LRP1B: variants seen among roughly 807,000 people sequenced by gnomAD.
LRP1B encodes the protein LDL receptor related protein 1B, also known as low-density lipoprotein receptor-related protein 1B.
A neutral mutation model predicts 556.6 loss-of-function variants in LRP1B; 217 were observed. The ratio of observed to expected loss-of-function variants is 0.39; its 90% CI spans 0.35 to 0.44. The LOEUF is 0.44. Ranked by LOEUF, LRP1B falls within the 20% of genes least tolerant of loss-of-function variation. The pLI is 1.00. For missense variants in LRP1B, 5,053 were observed against 5,620.8 expected, an observed-to-expected ratio of 0.90 and a Z score of 3.23; for synonymous variants, 2,047 against 1,865.8, an observed-to-expected ratio of 1.10 and a Z score of -2.50.
Position 140,247,107 on chromosome 2 carries a change from T to G in LRP1B, c.13303A>C (p.Lys4435Gln), listed in dbSNP as rs773602703. The G allele has an allele frequency of 6.2e-7, 1 of 1,609,324 alleles. No homozygotes were observed. Residue 4435 changes from lysine to glutamine, a missense_variant, in exon 87 of 91, where the codon AAG becomes CAG. This residue lies in a region of LRP1B where 551 missense variants were observed against 592.0 expected (regional missense o/e 0.93). Coordinates refer to ENST00000389484, the MANE Select transcript of LRP1B (RefSeq NM_018557.3). Reference protein sequence around the residue: ...QCERPAPKSSKSDHISTRSIA... With the variant: ...QCERPAPKSSQSDHISTRSIA... ...TTACTTGTGCTGATATGATCAGACT[T>G]GCTGCTCTTTGGGGCTGGCCTTTCA... is the stretch of plus-strand genomic sequence containing the variant.
chr2:141,431,997 G>A (rs1009469997), intron 3 of LRP1B, among the ~76,000 whole-genome samples: 1 of 151,900 alleles, frequency 6.6e-6, no homozygotes, highest in Non-Finnish European at 1.5e-5. Flanking sequence ...CTAGTACAAG[G>A]TTAACTGCAA....
chr2:141,442,833 C>A (rs545058065), intron 3 of LRP1B, among the ~76,000 whole-genome samples: 2 of 152,040 alleles, frequency 1.3e-5, no homozygotes, highest in Non-Finnish European at 2.9e-5. Flanking sequence ...ATAAAATTGA[C>A]GGGCATTTGG....
chr2:141,865,825 G>A (rs1307157803), intron 1 of LRP1B, among the ~76,000 whole-genome samples: 1 of 152,178 alleles, frequency 6.6e-6, no homozygotes, highest in Non-Finnish European at 1.5e-5. Flanking sequence ...ACAAGGTCAT[G>A]CTGGAAGGAT....
chr2:141,106,589 G>C (rs1700608099), intron 7 of LRP1B, among the ~76,000 whole-genome samples: 1 of 152,032 alleles, frequency 6.6e-6, no homozygotes, highest in South Asian at 2.1e-4. Context: ...TGCAAACCTT[G>C]CTTACATTAA....
At chr2:140,324,841 T>G (rs1558802361) in intron 80 of LRP1B, among the ~76,000 whole-genome samples, 1 of 151,062 alleles carries the variant, frequency 6.6e-6, no homozygotes. Context: ...ACAAGTTAAC[T>G]TCATTGTAAT....
At chr2:141,928,979 C>T (rs545000426) in intron 1 of LRP1B, among the ~76,000 whole-genome samples, 97 of 152,160 alleles carry the variant, frequency 6.4e-4, no homozygotes, top group African/African-American at 2.2e-3. Flanking sequence ...TGTAGGAGAG[C>T]ATATTCCTGT....
At chr2:140,469,802 G>A (rs7588813) in intron 60 of LRP1B, among the ~76,000 whole-genome samples, 1 of 152,198 alleles carries the variant, frequency 6.6e-6, no homozygotes, top group East Asian at 1.9e-4. Flanking sequence ...TGGAAAGAAA[G>A]CAGTCCCTGG....
At chr2:140,676,901 C>T (rs181785897) in intron 41 of LRP1B, among the ~76,000 whole-genome samples, 1 of 152,266 alleles carries the variant, frequency 6.6e-6, no homozygotes, top group East Asian at 1.9e-4. Context: ...AATAGAGATA[C>T]AGCAAACAAC....
chr2:141,114,060 A>C (rs1369451687), intron 7 of LRP1B, among the ~76,000 whole-genome samples: 2 of 152,238 alleles, frequency 1.3e-5, no homozygotes, highest in Non-Finnish European at 2.9e-5. Flanking sequence ...ATGGTGAAGC[A>C]GGAGAATTCA....
At position 141,186,505 on chromosome 2, in the gene LRP1B, C is replaced by A. The variant is rs2105187786; in HGVS notation, c.1013+1916G>T. Among the ~76,000 whole-genome samples the A allele has an allele frequency of 1.3e-5, 2 of 152,120 alleles. 1 individual carries two copies. Among genetic ancestry groups the A allele is most frequent in the Admixed American group, 1.3e-4 (2 of 15,264 alleles). ...GAATGTATTTTAAAGTGTTCTGTGG[C>A]AACCAGGCCTGTATTTATAAAAGAG... On this transcript the variant is annotated intron_variant, in intron 7 of 90. Coordinates refer to ENST00000389484, the MANE Select transcript of LRP1B (RefSeq NM_018557.3).
At chr2:140,426,200 A>ATTACAAATGAGAAATTGGC in intron 66 of LRP1B, among the ~76,000 whole-genome samples, 1 of 152,120 alleles carries the variant, frequency 6.6e-6, no homozygotes, top group Non-Finnish European at 1.5e-5. Flanking sequence ...TCAATTTCTC[A>ATTACAAATGAGAAATTGGC]TTTGTAATAC....
chr2:140,463,676 T>C lies in LRP1B; in HGVS notation c.9626-6025A>G, dbSNP rs1449603113. Among the ~76,000 whole-genome samples the C allele has an allele frequency of 3.3e-5, 5 of 152,326 alleles. No homozygotes were observed. The East Asian group carries it at 5.8e-4, about 18-fold the overall frequency. ...AAGTTTATTTTTCCGATATTAAATA[T>C]CATAGTCCTTCAATGAGATCTTGCT... On this transcript the variant is annotated intron_variant, in intron 60 of 90. Transcript: ENST00000389484.
chr2:141,273,830 G>C (rs6719988), intron 3 of LRP1B, among the ~76,000 whole-genome samples: 82,229 of 152,074 alleles, frequency 0.54, 22,958 homozygotes, highest in Middle Eastern at 0.63. Flanking sequence ...AATCTGGTGA[G>C]AGACTTGTAT....
At chr2:141,171,592 C>T (rs1680500272) in intron 7 of LRP1B, among the ~76,000 whole-genome samples, 1 of 152,050 alleles carries the variant, frequency 6.6e-6, no homozygotes, top group South Asian at 2.1e-4. Flanking sequence ...TGGATGAATG[C>T]TGGAATACTG....
chr2:141,128,670 G>C (rs1038712402), intron 7 of LRP1B, among the ~76,000 whole-genome samples: 1 of 151,668 alleles, frequency 6.6e-6, no homozygotes, highest in Non-Finnish European at 1.5e-5. Flanking sequence ...GCCCAGGCTG[G>C]AGTGCGATGG....
At chr2:141,619,006 G>T in intron 2 of LRP1B, among the ~76,000 whole-genome samples, 1 of 152,180 alleles carries the variant, frequency 6.6e-6, no homozygotes, top group Middle Eastern at 3.2e-3. Context: ...AAGTTTCAAG[G>T]ATTTTATCTG....
At chr2:141,041,383 G>A (rs530727335) in intron 11 of LRP1B, among the ~76,000 whole-genome samples, 1 of 152,234 alleles carries the variant, frequency 6.6e-6, no homozygotes, top group East Asian at 1.9e-4. Context: ...TGCAAGCAGA[G>A]CTGATCCCTT....
intron 2 of LRP1B, 124 bp downstream of exon 2, chr2:141,810,153 GAA>G: frequency 4.6e-6 from 2 of 436,744 alleles, no homozygotes; most frequent in South Asian, 6.4e-5. Flanking sequence ...AAGAAAGAAA[GAA>G]AGAAAGAAAG....
Position 140,449,916 on chromosome 2 carries a change from AG to A in LRP1B, c.10057+651del, listed in dbSNP as rs1227788928. On this transcript the variant is annotated intron_variant, in intron 63 of 90. Coordinates refer to ENST00000389484, the MANE Select transcript of LRP1B (RefSeq NM_018557.3). ...AGTATTGGAGTGACCTATGGAGTGA[AG>A]TACAAAAGGCTATCAAGGAAAAGTC... is the stretch of plus-strand genomic sequence containing the variant. Among the ~76,000 whole-genome samples the A allele has an allele frequency of 2.0e-5, 3 of 152,152 alleles. No individual in the cohort carries two copies. In the East Asian group the frequency reaches 5.8e-4, roughly 29 times the overall value.
Sources: allele counts gnomAD v4.1 joint callset (sites outside exome capture counted in the v4.1 genomes callset), GRCh38; gene constraint gnomAD v4.1.1; regional missense constraint gnomAD v4.1.1; transcripts MANE v1.5; gene names NCBI Gene and HGNC (gene_info 2026-07-23, HGNC 2026-07-21).